LIMCH1: variants seen among roughly 807,000 people sequenced by gnomAD.
LIMCH1 encodes LIM and calponin homology domains-containing protein 1.
A neutral mutation model predicts 176.5 loss-of-function variants in LIMCH1; 113 were observed. That is an observed-to-expected ratio of 0.64 (90% CI 0.55 to 0.75). LIMCH1 has a LOEUF of 0.75. LIMCH1 is among the 30% of genes least tolerant of loss of function. The pLI, the probability that LIMCH1 is intolerant of heterozygous loss-of-function variation, is 0.00. For missense variants in LIMCH1, 1,674 were observed against 1,814.9 expected (o/e 0.92, Z 1.41); for synonymous variants, 619 against 645.9 (o/e 0.96, Z 0.63).
chr4:41,542,789 A>G (rs979915582), intron 1 of LIMCH1, among the ~76,000 whole-genome samples: 5 of 152,224 alleles, frequency 3.3e-5, no homozygotes, highest in African/African-American at 1.2e-4. Flanking sequence ...ATGGTCTTAT[A>G]TGTATGTAAG....
chr4:41,402,807 C>A (rs2058589956), intron 1 of LIMCH1, among the ~76,000 whole-genome samples: 1 of 126,418 alleles, frequency 7.9e-6, no homozygotes, highest in Non-Finnish European at 1.6e-5. Context: ...AGGGGAACAT[C>A]ACACTCTGGG....
Position 41,619,425 on chromosome 4 carries a change from G to A in LIMCH1, c.443G>A (p.Gly148Glu), listed in dbSNP as rs1221453403. 6.2e-7 allele frequency: 1 copy of A among 1,609,854 alleles called. No homozygotes were observed. The highest frequency in any genetic ancestry group is 1.3e-5 in the African/African-American group (1 of 74,938). ...AGTACCGCCACCTCCCCGCTGGGTG[G>A]GGAGAGGCCCTTCAGGTAAGGCCTG... is the stretch of plus-strand genomic sequence containing the variant. ...SWSTATSPLG[G>E]ERPFSFPETI... Residue 148 changes from glycine to glutamate, a missense_variant, in exon 6 of 32, where the codon GGG (glycine) becomes GAG (glutamate). By Grantham distance (98) the Gly-to-Glu change is moderately conservative. This residue lies in a region of LIMCH1 where 655 missense variants were observed against 692.2 expected (regional missense o/e 0.95). Coordinates refer to ENST00000503057, the MANE Select transcript of LIMCH1 (RefSeq NM_001330672.2).
intron 1 of LIMCH1, among the ~76,000 whole-genome samples, chr4:41,409,555 TA>T (rs1480308568): frequency 6.6e-6 from 1 of 152,232 alleles, no homozygotes; most frequent in Non-Finnish European, 1.5e-5. Context: ...TTGCTATAAT[TA>T]AAAAGCTGCC....
Position 41,691,592 on chromosome 4 carries a change from C to CAA in LIMCH1, c.4276-669_4276-668dup, listed in dbSNP as rs796984431. Among the ~76,000 whole-genome samples, 590 of 62,354 alleles carry CAA rather than the reference C, an allele frequency of 9.5e-3. 4 individuals carry two copies. Among genetic ancestry groups the CAA allele is most frequent in the African/African-American group, 0.02 (392 of 19,760 alleles). The allele number at this position is 62,354 out of a possible 152,430, so 40.9% of individuals were successfully genotyped here. A position where few individuals can be genotyped will look rare whatever the true frequency, so the allele number is the denominator to read the frequency against. ...TGAAACTCCATCTTTACTAAAAATACAAAAAAAAAAAAAAAAAAAAAATAG... is the reference window on the plus strand; with the variant it reads ...TGAAACTCCATCTTTACTAAAAATACAAAAAAAAAAAAAAAAAAAAAAAATAG... On this transcript the variant is annotated intron_variant, in intron 30 of 31. Transcript: ENST00000503057.
intron 1 of LIMCH1, among the ~76,000 whole-genome samples, chr4:41,441,321 G>A (rs1444419755): frequency 1.3e-5 from 2 of 152,106 alleles, no homozygotes; most frequent in Admixed American, 1.3e-4. Flanking sequence ...TCTAATTAAT[G>A]TATTTTTAAA....
intron 3 of LIMCH1, among the ~76,000 whole-genome samples, chr4:41,527,788 A>C (rs994874223): frequency 1.5e-5 from 2 of 137,218 alleles, no homozygotes; most frequent in African/African-American, 5.7e-5. Flanking sequence ...GCGCCACTGC[A>C]CTCCAGCCTG....
intron 1 of LIMCH1, among the ~76,000 whole-genome samples, chr4:41,479,013 GAA>G (rs1254527396): frequency 1.3e-5 from 2 of 151,916 alleles, no homozygotes; most frequent in Non-Finnish European, 2.9e-5. Flanking sequence ...TCAAAAGAAA[GAA>G]AAAGAAAGGG....
chr4:41,634,914 GC>G (rs2093502132), intron 13 of LIMCH1, among the ~76,000 whole-genome samples: 1 of 152,220 alleles, frequency 6.6e-6, no homozygotes, highest in South Asian at 2.1e-4. Flanking sequence ...CTTTCCAGAT[GC>G]CCTGGACTTG....
At chr4:41,583,931 T>C (rs1050569820) in intron 1 of LIMCH1, among the ~76,000 whole-genome samples, 1 of 152,206 alleles carries the variant, frequency 6.6e-6, no homozygotes, top group African/African-American at 2.4e-5. Flanking sequence ...TTGGGTTTTT[T>C]TTTATTTTGT....
At chr4:41,684,345 C>A in intron 26 of LIMCH1, 52 bp from the exon 27 acceptor site, 1 of 1,566,234 alleles carries the variant, frequency 6.4e-7, no homozygotes, top group Non-Finnish European at 8.7e-7. Context: ...CCAAGAAGTT[C>A]GATTCAGTTA....
intron 1 of LIMCH1, among the ~76,000 whole-genome samples, chr4:41,406,807 G>C (rs2059004633): frequency 6.6e-6 from 1 of 152,148 alleles, no homozygotes; most frequent in Non-Finnish European, 1.5e-5. Context: ...CAAGGGAACT[G>C]AGGCGGGATA....
intron 1 of LIMCH1, among the ~76,000 whole-genome samples, chr4:41,376,548 C>T (rs908833919): frequency 1.3e-5 from 2 of 152,074 alleles, no homozygotes; most frequent in Non-Finnish European, 2.9e-5. Flanking sequence ...ATAATTAAAT[C>T]TCCAAATGGC....
rs1418670806 is a variant in LIMCH1, at chr4:41,631,308, G to T, written c.1432G>T (p.Asp478Tyr). The change falls in exon 10 of 32, where the codon GAT becomes TAT. Residue 478 changes from aspartate to tyrosine, a missense_variant. Asp to Tyr is a radical substitution (Grantham distance 160). Around this residue, in one of 3 missense-constraint regions of LIMCH1, gnomAD observed 655 missense variants for 692.2 expected, o/e 0.95. Transcript: ENST00000503057. The stretch of plus-strand genomic sequence containing the variant: ...GCACTTTGGGCCAGTGACGGAGCTA[G>T]ATCAGCAGAAATGGAAGCGGCTTAG... ...FVHFGPVTELDQQKWKRLSIG... is the reference protein window; with the variant it reads ...FVHFGPVTELYQQKWKRLSIG... 2.0e-6 allele frequency: 3 copies of T among 1,536,020 alleles called. No homozygotes were observed. The highest frequency in any genetic ancestry group is 2.6e-6 in the Non-Finnish European group (3 of 1,146,924).
At chr4:41,559,449 A>G (rs541902534) in intron 1 of LIMCH1, among the ~76,000 whole-genome samples, 1 of 152,160 alleles carries the variant, frequency 6.6e-6, no homozygotes, top group South Asian at 2.1e-4. Context: ...ATCAGCTGCT[A>G]CCCTTCAGTC....
Position 41,620,618 on chromosome 4 carries a change from C to T in LIMCH1, c.653C>T (p.Ala218Val). The change falls in exon 7 of 32, where the codon GCT (alanine) becomes GTT (valine). Residue 218 changes from alanine (A) to valine (V), a missense_variant. By Grantham distance (64) the Ala-to-Val change is moderately conservative. This residue lies in a region of LIMCH1 where 655 missense variants were observed against 692.2 expected (regional missense o/e 0.95). Coordinates refer to ENST00000503057, the MANE Select transcript of LIMCH1 (RefSeq NM_001330672.2). ...PAPKSEEKDA[A>V]EIQKRKRLEQ... ...CCCAAGTCTGAAGAAAAAGATGCTG[C>T]TGAGATCCAAAAGCGCAAAAGGCTA... The T allele has an allele frequency of 5.9e-6, 9 of 1,536,170 alleles. No homozygotes were observed. Among genetic ancestry groups the T allele is most frequent in the Non-Finnish European group, 7.8e-6 (9 of 1,146,926 alleles).
At chr4:41,447,956 A>C (rs2154145076) in intron 1 of LIMCH1, among the ~76,000 whole-genome samples, 1 of 152,246 alleles carries the variant, frequency 6.6e-6, no homozygotes, top group South Asian at 2.1e-4. Context: ...ACGCCTGGCT[A>C]ATTTTTGTGT....
In LIMCH1 at chr4:41,641,280, C is replaced by T. The variant is rs73810299; in HGVS notation, c.2126+2313C>T. Among the ~76,000 whole-genome samples the T allele has an allele frequency of 5.3e-3, 811 of 152,304 alleles. 4 individuals are homozygous for T. Among genetic ancestry groups the T allele is most frequent in the African/African-American group, 0.019 (780 of 41,556 alleles). On this transcript the variant is annotated intron_variant, in intron 14 of 31. Coordinates refer to ENST00000503057, the MANE Select transcript of LIMCH1 (RefSeq NM_001330672.2). ...CCGCCAACCCCCATCCCCAGACACACACCTCTTCATTTGGGAGGCCAAGTC... is the reference window on the plus strand; with the variant it reads ...CCGCCAACCCCCATCCCCAGACACATACCTCTTCATTTGGGAGGCCAAGTC...
chr4:41,682,445 TGGA>T lies in LIMCH1; in HGVS notation c.3835_3837del (p.Glu1279del), dbSNP rs1716752963. On this transcript the variant is annotated inframe_deletion, in exon 26 of 32. Coordinates refer to ENST00000503057, the MANE Select transcript of LIMCH1 (RefSeq NM_001330672.2). Reference sequence around the variant, plus strand: ...CTGAAGACTAGGGAAAGTGATCGACTGGAGGAGAAGGGCAGGTATGAGCCCATC... The same window carrying T: ...CTGAAGACTAGGGAAAGTGATCGACTGGAGAAGGGCAGGTATGAGCCCATC... 3 of 1,612,808 alleles carry T rather than the reference TGGA, an allele frequency of 1.9e-6. No homozygotes were observed. The highest frequency in any genetic ancestry group is 3.3e-5 in the Admixed American group (2 of 59,958).
intron 1 of LIMCH1, among the ~76,000 whole-genome samples, chr4:41,470,813 G>C (rs562539442): frequency 6.6e-6 from 1 of 151,996 alleles, no homozygotes; most frequent in Non-Finnish European, 1.5e-5. Flanking sequence ...ATTTCATCTA[G>C]TGGCCTCTGA....
Sources: gnomAD v4.1 joint callset for allele counts (sites outside exome capture counted in the v4.1 genomes callset) on GRCh38, gnomAD v4.1.1 for gene constraint, gnomAD v4.1.1 regional missense constraint, MANE v1.5 for transcripts, NCBI Gene and HGNC (gene_info 2026-07-23, HGNC 2026-07-21) for gene names.